The following NLN variants were observed in gnomAD, a reference collection of about 807,000 sequenced individuals.
NLN encodes neurolysin, also known as neurolysin, mitochondrial.
A neutral mutation model predicts 79.9 loss-of-function variants in NLN; 64 were observed. That is an observed-to-expected ratio of 0.80 (90% CI 0.65 to 0.99). The LOEUF is 0.99. NLN is among the 50% of genes least tolerant of loss of function. The pLI, the probability that NLN is intolerant of heterozygous loss-of-function variation, is 0.00. For synonymous variants in NLN, 267 were observed against 296.6 expected (o/e 0.90, Z 1.02); for missense variants, 835 against 858.7 (o/e 0.97, Z 0.34).
In NLN at chr5:65,823,594, A is replaced by G. The variant is rs1410528290; in HGVS notation, c.*679A>G. The G allele has an allele frequency of 2.6e-5, 4 of 152,206 alleles. No individual in the cohort carries two copies. Among genetic ancestry groups the G allele is most frequent in the Non-Finnish European group, 5.9e-5 (4 of 68,044 alleles). 9.4% of individuals were successfully genotyped at this position (152,206 alleles called of 1,614,324 possible). ...TGTTTCAGCTAGACTGGTGTAATGT[A>G]TAAGTTTTTGTATCTTGTATTAGAG... On this transcript the variant is annotated 3_prime_UTR_variant, in exon 13 of 13. Transcript: ENST00000380985.
At chr5:65,777,334 G>A (rs553804848) in intron 3 of NLN, 93 bp from the exon 4 acceptor site, 29 of 834,992 alleles carry the variant, frequency 3.5e-5, no homozygotes, top group Admixed American at 3.0e-4. Flanking sequence ...ATAACCCAAC[G>A]GAGATGATGA....
intron 1 of NLN, among the ~76,000 whole-genome samples, chr5:65,748,401 G>A (rs1479485048): frequency 6.6e-6 from 1 of 152,192 alleles, no homozygotes; most frequent in Non-Finnish European, 1.5e-5. Context: ...TATCATTTCT[G>A]AGGAGCATCT....
At chr5:65,814,153 GTC>G (rs1217101249) in intron 12 of NLN, among the ~76,000 whole-genome samples, 2 of 152,124 alleles carry the variant, frequency 1.3e-5, no homozygotes, top group African/African-American at 4.8e-5. Context: ...GGTATAAGAA[GTC>G]TTTGCAAACC....
intron 9 of NLN, among the ~76,000 whole-genome samples, chr5:65,794,861 C>T (rs1760138562): frequency 6.6e-6 from 1 of 152,074 alleles, no homozygotes; most frequent in Admixed American, 6.6e-5. Context: ...ATTCTGTCAC[C>T]TTTGTTTAAA....
intron 3 of NLN, among the ~76,000 whole-genome samples, chr5:65,774,736 T>G (rs1208485030): frequency 1.4e-5 from 2 of 147,806 alleles, no homozygotes; most frequent in Non-Finnish European, 1.5e-5. Flanking sequence ...TATATTTTTT[T>G]TTTTTTTTGA....
Position 65,733,568 on chromosome 5 carries a change from G to A in NLN, c.41+11154G>A, listed in dbSNP as rs138656922. On this transcript the variant is annotated intron_variant, in intron 1 of 12. Transcript: ENST00000380985. The stretch of plus-strand genomic sequence containing the variant: ...TGTGTACAGTCAGGGAAGTCAGGCA[G>A]CCCAAGAGGATCTTTTTTGGTCCCG... 2,041 of 1,500,410 alleles carry A rather than the reference G, an allele frequency of 1.4e-3. 329 individuals carry two copies. The African/African-American group carries it at 0.026, about 19-fold the overall frequency. The allele number at this position is 1,500,410 out of a possible 1,614,324, so 92.9% of individuals were successfully genotyped here. A position where few individuals can be genotyped will look rare whatever the true frequency, so the allele number is the denominator to read the frequency against.
At chr5:65,742,422 A>G (rs1259978509) in intron 1 of NLN, among the ~76,000 whole-genome samples, 1 of 152,144 alleles carries the variant, frequency 6.6e-6, no homozygotes, top group African/African-American at 2.4e-5. Flanking sequence ...ATTTTTTTCA[A>G]TACAAAAAAG....
intron 3 of NLN, among the ~76,000 whole-genome samples, chr5:65,771,103 T>C (rs1759556855): frequency 6.6e-6 from 1 of 152,190 alleles, no homozygotes. Flanking sequence ...TATATAGTTA[T>C]ATCCATTTGC....
intron 12 of NLN, among the ~76,000 whole-genome samples, chr5:65,821,110 G>C (rs1335318984): frequency 2.6e-5 from 4 of 151,970 alleles, no homozygotes; most frequent in Admixed American, 2.6e-4. Flanking sequence ...GGCAGGAATG[G>C]GGGGCGGAAA....
intron 9 of NLN, among the ~76,000 whole-genome samples, chr5:65,803,458 C>A (rs1285395697): frequency 6.6e-6 from 1 of 152,144 alleles, no homozygotes; most frequent in Non-Finnish European, 1.5e-5. Context: ...TGTGACAGTG[C>A]CTGGGATTGA....
rs1293014589 is a variant in NLN at position 65,827,921 on chromosome 5, G to A, written c.*5006G>A. 6.6e-6 allele frequency: 1 copy of A among 152,246 alleles called. No homozygotes were observed. Among genetic ancestry groups the A allele is most frequent in the Non-Finnish European group, 1.5e-5 (1 of 68,074 alleles). 9.4% of individuals were successfully genotyped at this position (152,246 alleles called of 1,614,324 possible). ...ACTCCCAGCTACTCAGGAGGCTGAG[G>A]CAGAAGAATCATTTGAACCCCGGAG... is the stretch of plus-strand genomic sequence containing the variant. On this transcript the variant is annotated 3_prime_UTR_variant, in exon 13 of 13. Transcript: ENST00000380985.
At chr5:65,740,080 T>C (rs1286904960) in intron 1 of NLN, among the ~76,000 whole-genome samples, 1 of 152,216 alleles carries the variant, frequency 6.6e-6, no homozygotes, top group Non-Finnish European at 1.5e-5. Flanking sequence ...ACACTAGTGT[T>C]ATGGAGCTTT....
At chr5:65,745,541 C>T (rs945619617) in intron 1 of NLN, among the ~76,000 whole-genome samples, 5 of 152,156 alleles carry the variant, frequency 3.3e-5, no homozygotes, top group African/African-American at 1.2e-4. Flanking sequence ...ATAATATCTT[C>T]CTCTTGGCTT....
In NLN at chr5:65,722,223, GC is replaced by G; in HGVS notation, c.-149del. The stretch of plus-strand genomic sequence containing the variant: ...GGCTGGTAGGCGCCGGCGTGGAGCT[GC>G]CGCACGTGGGAGGGCGCTGGCCAGG... On this transcript the variant is annotated 5_prime_UTR_variant, in exon 1 of 13. Transcript: ENST00000380985. The G allele has an allele frequency of 2.4e-6, 1 of 416,132 alleles. No individual in the cohort carries two copies. 25.8% of individuals were successfully genotyped at this position (416,132 alleles called of 1,614,324 possible). A position where few individuals can be genotyped will look rare whatever the true frequency, so the allele number is the denominator to read the frequency against.
At chr5:65,730,258 G>T (rs574878030) in intron 1 of NLN, among the ~76,000 whole-genome samples, 1 of 152,278 alleles carries the variant, frequency 6.6e-6, no homozygotes, top group East Asian at 1.9e-4. Context: ...GCTCAGTACC[G>T]ATAGGAAGGA....
At chr5:65,722,846 C>A (rs1401633195) in intron 1 of NLN, 2 of 163,250 alleles carry the variant, frequency 1.2e-5, no homozygotes, top group African/African-American at 4.8e-5. Flanking sequence ...TTAACATCCA[C>A]CCGAGATGAA....
intron 1 of NLN, 109 bp from the exon 2 acceptor site, chr5:65,758,458 T>C (rs1759267336): frequency 1.1e-5 from 8 of 736,972 alleles, no homozygotes; most frequent in Non-Finnish European, 1.7e-5. Flanking sequence ...GCTTGTTTTT[T>C]TAAAAAGGTT....
intron 12 of NLN, among the ~76,000 whole-genome samples, chr5:65,816,895 C>CT (rs1392933117): frequency 6.6e-6 from 1 of 152,092 alleles, no homozygotes. Context: ...GCGTCAGTGC[C>CT]TTCTATTGTT....
chr5:65,743,941 G>T (rs964113416), intron 1 of NLN, among the ~76,000 whole-genome samples: 14 of 152,304 alleles, frequency 9.2e-5, no homozygotes, highest in Admixed American at 6.5e-4. Flanking sequence ...AGCCAGTTTA[G>T]AAGTTACATC....
Sources: allele counts gnomAD v4.1 joint callset (sites outside exome capture counted in the v4.1 genomes callset), GRCh38; gene constraint gnomAD v4.1.1; transcripts MANE v1.5; gene names NCBI Gene and HGNC (gene_info 2026-07-23, HGNC 2026-07-21).